Variants in NR3C2 observed in about 807,000 individuals in gnomAD.
NR3C2 encodes nuclear receptor subfamily 3 group C member 2.
NR3C2 carries 15 observed loss-of-function variants against 86.4 expected under a neutral mutation model. The ratio of observed to expected loss-of-function variants is 0.17; its 90% CI spans 0.12 to 0.27. The LOEUF (loss-of-function observed/expected upper bound fraction) is 0.27. Among genes scored for constraint, NR3C2 ranks in the 10% least tolerant of loss-of-function variants. The pLI is 1.00. For missense variants in NR3C2, 960 were observed against 1,195.6 expected (o/e 0.80, Z 2.91); for synonymous variants, 458 against 450.5 (o/e 1.02, Z -0.21).
chr4:148,095,427 A>C (rs1731235822), intron 8 of NR3C2, among the ~76,000 whole-genome samples: 1 of 152,120 alleles, frequency 6.6e-6, no homozygotes, highest in Non-Finnish European at 1.5e-5. Flanking sequence ...TTATGCTACC[A>C]CTCACTATGG....
At chr4:148,362,384 G>A (rs926667352) in intron 2 of NR3C2, among the ~76,000 whole-genome samples, 1 of 152,088 alleles carries the variant, frequency 6.6e-6, no homozygotes, top group Non-Finnish European at 1.5e-5. Context: ...ACCTTGATCT[G>A]ATCACTATAT....
intron 2 of NR3C2, among the ~76,000 whole-genome samples, chr4:148,362,474 A>G (rs1745887764): frequency 6.6e-6 from 1 of 152,240 alleles, no homozygotes; most frequent in Non-Finnish European, 1.5e-5. Context: ...TTTAAAATTT[A>G]AAAATTAAAA....
chr4:148,104,785 C>T (rs756586240), intron 8 of NR3C2, among the ~76,000 whole-genome samples: 13 of 152,164 alleles, frequency 8.5e-5, no homozygotes, highest in Non-Finnish European at 7.3e-5. Flanking sequence ...TACTGCCTTA[C>T]AGTTGAAGAA....
chr4:148,383,952 G>GAAA (rs60506239), intron 2 of NR3C2, among the ~76,000 whole-genome samples: 15,026 of 119,874 alleles, frequency 0.13, 986 homozygotes, highest in Middle Eastern at 0.27. Context: ...TGTCTCAGGG[G>GAAA]AAAAAAAAAA....
intron 2 of NR3C2, among the ~76,000 whole-genome samples, chr4:148,352,105 T>C (rs1745310983): frequency 6.6e-6 from 1 of 152,204 alleles, no homozygotes; most frequent in Admixed American, 6.5e-5. Context: ...TCTGTTCCCT[T>C]GCAGACTTCC....
At chr4:148,366,365 C>A (rs889407028) in intron 2 of NR3C2, among the ~76,000 whole-genome samples, 1 of 5,058 alleles carries the variant, frequency 2.0e-4, no homozygotes, top group East Asian at 4.3e-3. Flanking sequence ...ATAGCTCTAC[C>A]AAGCATACCA....
chr4:148,235,262 T>TTATATATATATATATATATATATATATA (rs370271975), intron 3 of NR3C2, among the ~76,000 whole-genome samples: 9 of 143,718 alleles, frequency 6.3e-5, no homozygotes, highest in Non-Finnish European at 9.2e-5. Context: ...TAAGTGGCAA[T>TTATATATATATATATATATATATATATA]TATATATATA....
At chr4:148,403,613 G>A (rs1748272448) in intron 2 of NR3C2, among the ~76,000 whole-genome samples, 1 of 152,044 alleles carries the variant, frequency 6.6e-6, no homozygotes, top group South Asian at 2.1e-4. Context: ...TGCAGAGCCA[G>A]ATACTGATTT....
intron 2 of NR3C2, among the ~76,000 whole-genome samples, chr4:148,396,641 T>C (rs867102236): frequency 2.8e-4 from 43 of 152,150 alleles, no homozygotes; most frequent in Middle Eastern, 3.2e-3. Context: ...AATAATAATA[T>C]AGGGACAAAA....
intron 3 of NR3C2, among the ~76,000 whole-genome samples, chr4:148,237,447 A>G (rs1238982593): frequency 1.3e-5 from 2 of 152,210 alleles, no homozygotes; most frequent in African/African-American, 4.8e-5. Flanking sequence ...TGTCATAATT[A>G]AAATTCTCAG....
At chr4:148,081,594 AT>A in intron 8 of NR3C2, 95 bp from the exon 9 acceptor site, 1 of 1,555,584 alleles carries the variant, frequency 6.4e-7, no homozygotes, top group Non-Finnish European at 8.8e-7. Flanking sequence ...AAATGACAAC[AT>A]TTAGAAAGCC....
intron 2 of NR3C2, among the ~76,000 whole-genome samples, chr4:148,346,155 G>T (rs1051315209): frequency 6.6e-6 from 1 of 152,058 alleles, no homozygotes; most frequent in African/African-American, 2.4e-5. Flanking sequence ...GATACAATAA[G>T]GCATGTTTGC....
At chr4:148,340,338 A>C (rs908550766) in intron 2 of NR3C2, among the ~76,000 whole-genome samples, 2 of 152,146 alleles carry the variant, frequency 1.3e-5, no homozygotes, top group African/African-American at 4.8e-5. Flanking sequence ...AAAAGAATAG[A>C]GCTAACTCAC....
chr4:148,251,686 T>A (rs185795833), intron 3 of NR3C2, among the ~76,000 whole-genome samples: 24 of 152,268 alleles, frequency 1.6e-4, no homozygotes, highest in Admixed American at 9.2e-4. Flanking sequence ...TAGATTAATA[T>A]CAAGATGTTA....
chr4:148,118,356 T>C (rs893162604), intron 7 of NR3C2, among the ~76,000 whole-genome samples: 1 of 152,190 alleles, frequency 6.6e-6, no homozygotes, highest in South Asian at 2.1e-4. Context: ...GAGGCCATGC[T>C]GTTAGTCACA....
At chr4:148,349,295 G>C (rs1240165740) in intron 2 of NR3C2, among the ~76,000 whole-genome samples, 1 of 151,862 alleles carries the variant, frequency 6.6e-6, no homozygotes, top group African/African-American at 2.4e-5. Context: ...TGTCACAAGA[G>C]TCCCTTTTTG....
At chr4:148,199,662 G>C (rs182707776) in intron 3 of NR3C2, among the ~76,000 whole-genome samples, 1 of 151,934 alleles carries the variant, frequency 6.6e-6, no homozygotes, top group African/African-American at 2.4e-5. Context: ...CAAGGCCCTC[G>C]GAAAACAAGA....
At chr4:148,401,486 C>G (rs1748160698) in intron 2 of NR3C2, among the ~76,000 whole-genome samples, 1 of 114,808 alleles carries the variant, frequency 8.7e-6, no homozygotes, top group Non-Finnish European at 1.7e-5. Flanking sequence ...TTTTTTGAGA[C>G]AGAGTCTTGC....
At chr4:148,409,492 T>C (rs1748588408) in intron 2 of NR3C2, among the ~76,000 whole-genome samples, 1 of 152,160 alleles carries the variant, frequency 6.6e-6, no homozygotes, top group South Asian at 2.1e-4. Context: ...TGTCATAATG[T>C]TATCTTTGTC....
Sources: gnomAD v4.1 joint callset for allele counts (sites outside exome capture counted in the v4.1 genomes callset) on GRCh38, gnomAD v4.1.1 for gene constraint, MANE v1.5 for transcripts, NCBI Gene and HGNC (gene_info 2026-07-23, HGNC 2026-07-21) for gene names.